The following ZNF543 variants were observed in gnomAD, a reference collection of about 807,000 sequenced individuals.
The protein encoded by ZNF543 is zinc finger protein 543.
ZNF543 carries 10 observed loss-of-function variants against 13.4 expected under a neutral mutation model. The ratio of observed to expected loss-of-function variants is 0.75; its 90% CI spans 0.46 to 1.26. The LOEUF (loss-of-function observed/expected upper bound fraction) is 1.26, where lower values mean the gene tolerates loss of function less well. ZNF543 is among the 50% of genes most tolerant of loss of function. The probability of loss-of-function intolerance (pLI) is 0.00; values close to 1 mark genes in which losing one functional copy is unlikely to be tolerated. For synonymous variants in ZNF543, 272 were observed against 264.7 expected, an observed-to-expected ratio of 1.03 and a Z score of -0.27; for missense variants, 768 against 741.2, an observed-to-expected ratio of 1.04 and a Z score of -0.42.
In ZNF543 at chr19:57,328,583, A is replaced by G. The variant is rs752175429; in HGVS notation, c.1121A>G (p.Lys374Arg). 14 of 1,613,060 alleles carry G rather than the reference A, an allele frequency of 8.7e-6. No homozygotes were observed. In the South Asian group the frequency reaches 1.2e-4, roughly 14 times the overall value. The change falls in exon 4 of 4, where the codon AAA becomes AGA. Residue 374 changes from lysine to arginine, a missense_variant. Around this residue, in one of 3 missense-constraint regions of ZNF543, gnomAD observed 677 missense variants for 631.4 expected, o/e 1.07. Coordinates refer to ENST00000321545, the MANE Select transcript of ZNF543 (RefSeq NM_213598.4). ...CCCTTTGAATGCAACGAGTGTGGAAAAGCTTTTTGCGAGAGTGCAGACCTC... is the reference window on the plus strand; with the variant it reads ...CCCTTTGAATGCAACGAGTGTGGAAGAGCTTTTTGCGAGAGTGCAGACCTC... ...VKPFECNECG[K>R]AFCESADLIQ...
Position 57,329,325 on chromosome 19 carries a change from C to CT in ZNF543, c.*63dup. The CT allele has an allele frequency of 6.6e-7, 1 of 1,522,766 alleles. No homozygotes were observed. The highest frequency in any genetic ancestry group is 1.3e-5 in the South Asian group (1 of 75,488). The allele number at this position is 1,522,766 out of a possible 1,614,324, so 94.3% of individuals were successfully genotyped here. ...AAGAGAAACTTCATAAGCATCCTCT[C>CT]TTTGAGAAAACGTGTAATAGATGAT... On this transcript the variant is annotated 3_prime_UTR_variant, in exon 4 of 4. Transcript: ENST00000321545.
Position 57,328,893 on chromosome 19 carries a change from A to T in ZNF543, c.1431A>T (p.Lys477Asn). The T allele has an allele frequency of 6.2e-7, 1 of 1,606,206 alleles. No homozygotes were observed. The highest frequency in any genetic ancestry group is 8.5e-7 in the Non-Finnish European group (1 of 1,177,182). The change falls in exon 4 of 4, where the codon AAA (lysine) becomes AAT (asparagine). Residue 477 changes from lysine (K) to asparagine (N), a missense_variant. Lys to Asn is a moderately conservative substitution (Grantham distance 94). Around this residue, in one of 3 missense-constraint regions of ZNF543, gnomAD observed 677 missense variants for 631.4 expected, o/e 1.07. Coordinates refer to ENST00000321545, the MANE Select transcript of ZNF543 (RefSeq NM_213598.4). ...IRHFSIHTGE[K>N]PYECVECGKA... Reference sequence around the variant, plus strand: ...ACTTCAGCATCCACACTGGAGAGAAACCCTATGAGTGCGTGGAGTGTGGAA... The same window carrying T: ...ACTTCAGCATCCACACTGGAGAGAATCCCTATGAGTGCGTGGAGTGTGGAA...
chr19:57,329,032 C>T lies in ZNF543; in HGVS notation c.1570C>T (p.Arg524Ter), dbSNP rs1202884386. The T allele has an allele frequency of 8.7e-6, 14 of 1,613,996 alleles. No homozygotes were observed. The highest frequency in any genetic ancestry group is 1.6e-4 in the Middle Eastern group (1 of 6,084). Reference protein sequence around the residue: ...KAFCRSANLIRHSIIHTGEKP... With the variant: ...KAFCRSANLI ...CTTTTGCCGGAGCGCAAACCTTATT[C>T]GACACTCCATCATTCACACTGGAGA... The change falls in exon 4 of 4, where the codon CGA becomes TGA. Residue 524 changes from arginine (R) to a stop codon, truncating the protein, a stop_gained. Coordinates refer to ENST00000321545, the MANE Select transcript of ZNF543 (RefSeq NM_213598.4). LOFTEE classifies it low-confidence loss of function (END_TRUNC).
At chr19:57,323,281 TCC>T (rs1261253471) in intron 1 of ZNF543, among the ~76,000 whole-genome samples, 3 of 150,460 alleles carry the variant, frequency 2.0e-5, no homozygotes, top group Non-Finnish European at 4.4e-5. Context: ...AAGCTCCGCC[TCC>T]CGGGTTCACG....
intron 2 of ZNF543, among the ~76,000 whole-genome samples, chr19:57,324,061 A>G (rs1360581941): frequency 6.6e-6 from 1 of 152,188 alleles, no homozygotes; most frequent in Non-Finnish European, 1.5e-5. Context: ...TCATGAATAA[A>G]AAGGGCCAGG....
intron 1 of ZNF543, 32 bp from the exon 2 acceptor site, chr19:57,323,650 G>A: frequency 6.2e-7 from 1 of 1,607,734 alleles, no homozygotes; most frequent in Non-Finnish European, 8.5e-7. Flanking sequence ...CAGTTCCAAG[G>A]GAAACACTAC....
chr19:57,326,538 T>G (rs2088121827), intron 2 of ZNF543, 95 bp from the exon 3 acceptor site: 25 of 906,938 alleles, frequency 2.8e-5, no homozygotes, highest in Non-Finnish European at 4.2e-5. Flanking sequence ...TAGCTTCACT[T>G]CATGGTCTTC....
intron 1 of ZNF543, 90 bp downstream of exon 1, chr19:57,320,961 T>C (rs2088086720): frequency 1.9e-6 from 3 of 1,562,298 alleles, no homozygotes; most frequent in Non-Finnish European, 2.6e-6. Context: ...ACAGGATGTT[T>C]CTTTGTCGCC....
At chr19:57,326,483 T>C in intron 2 of ZNF543, 150 bp from the exon 3 acceptor site, 1 of 587,728 alleles carries the variant, frequency 1.7e-6, no homozygotes, top group Non-Finnish European at 3.0e-6. Context: ...GTTTTTGTGG[T>C]TGTTTTATGG....
Position 57,327,790 on chromosome 19 carries a change from C to G in ZNF543, c.328C>G (p.Gln110Glu). Residue 110 changes from glutamine to glutamate, a missense_variant, in exon 4 of 4, where the codon CAA becomes GAA. By Grantham distance (29) the Gln-to-Glu change is conservative. This residue lies in a region of ZNF543 where 677 missense variants were observed against 631.4 expected (regional missense o/e 1.07). Coordinates refer to ENST00000321545, the MANE Select transcript of ZNF543 (RefSeq NM_213598.4). ...EEVLLQEQLT[Q>E]GASKNSQLGQ... is the part of the protein sequence containing the mutation. ...AGTCTTACTCCAGGAACAACTGACA[C>G]AAGGAGCCTCAAAGAACTCCCAATT... 6.2e-7 allele frequency: 1 copy of G among 1,614,090 alleles called. No homozygotes were observed. The highest frequency in any genetic ancestry group is 8.5e-7 in the Non-Finnish European group (1 of 1,180,016).
intron 1 of ZNF543, among the ~76,000 whole-genome samples, chr19:57,323,309 A>C (rs924358027): frequency 6.6e-6 from 1 of 151,068 alleles, no homozygotes; most frequent in Admixed American, 6.6e-5. Flanking sequence ...CTCCTGCCTC[A>C]GCCTCCCGAG....
chr19:57,324,179 G>A (rs2088107331), intron 2 of ZNF543, among the ~76,000 whole-genome samples: 1 of 151,976 alleles, frequency 6.6e-6, no homozygotes, highest in Admixed American at 6.6e-5. Flanking sequence ...GTGAAATCCC[G>A]TCTCTACTAA....
chr19:57,323,874 C>T, intron 2 of ZNF543, 66 bp downstream of exon 2: 2 of 1,568,100 alleles, frequency 1.3e-6, no homozygotes, highest in African/African-American at 1.4e-5. Flanking sequence ...CCCCTCTCTC[C>T]TCCACAGCCC....
intron 1 of ZNF543, among the ~76,000 whole-genome samples, chr19:57,321,982 A>G (rs2088092741): frequency 6.6e-6 from 1 of 152,158 alleles, no homozygotes; most frequent in African/African-American, 2.4e-5. Context: ...TTTCTCCTAT[A>G]CCAGCTGACA....
At chr19:57,321,357 A>G (rs2088089016) in intron 1 of ZNF543, among the ~76,000 whole-genome samples, 1 of 152,082 alleles carries the variant, frequency 6.6e-6, no homozygotes, top group Non-Finnish European at 1.5e-5. Flanking sequence ...ACCTATTTGG[A>G]GGTGGCTTTC....
At position 57,329,011 on chromosome 19, in the gene ZNF543, TGC is replaced by T. The variant is rs754139395; in HGVS notation, c.1550_1551del (p.Cys517SerfsTer19). On this transcript the variant is annotated frameshift_variant, in exon 4 of 4. Transcript: ENST00000321545. LOFTEE classifies it low-confidence loss of function (END_TRUNC). ...ATGCATCCAGTGTGGGAAAGCCTTT[TGC>T]CGGAGCGCAAACCTTATTCGACACT... is the stretch of plus-strand genomic sequence containing the variant. ...YECIQCGKAF[C>X]RSANLIRHSI... 1.2e-6 allele frequency: 2 copies of T among 1,613,908 alleles called. No homozygotes were observed. The highest frequency in any genetic ancestry group is 2.2e-5 in the South Asian group (2 of 91,074).
At position 57,328,571 on chromosome 19, in the gene ZNF543, A is replaced by G; in HGVS notation, c.1109A>G (p.Asn370Ser). The G allele has an allele frequency of 6.2e-7, 1 of 1,610,844 alleles. No homozygotes were observed. The highest frequency in any genetic ancestry group is 1.1e-5 in the South Asian group (1 of 90,918). Residue 370 changes from asparagine to serine, a missense_variant, in exon 4 of 4, where the codon AAC (asparagine) becomes AGC (serine). Physicochemically the swap from Asn to Ser is conservative, Grantham distance 46 (BLOSUM62 1). Around this residue, in one of 3 missense-constraint regions of ZNF543, gnomAD observed 677 missense variants for 631.4 expected, o/e 1.07. Transcript: ENST00000321545. The stretch of plus-strand genomic sequence containing the variant: ...ACTGGAGTGAAACCCTTTGAATGCA[A>G]CGAGTGTGGAAAAGCTTTTTGCGAG... ...IHTGVKPFECNECGKAFCESA... is the reference protein window; with the variant it reads ...IHTGVKPFECSECGKAFCESA...
At position 57,330,310 on chromosome 19, in the gene ZNF543, A is replaced by G. The variant is rs994455793; in HGVS notation, c.*1045A>G. The G allele has an allele frequency of 6.7e-6, 1 of 150,154 alleles. No individual in the cohort carries two copies. The highest frequency in any genetic ancestry group is 2.5e-5 in the African/African-American group (1 of 40,558). 9.3% of individuals were successfully genotyped at this position (150,154 alleles called of 1,614,324 possible). On this transcript the variant is annotated 3_prime_UTR_variant, in exon 4 of 4. Coordinates refer to ENST00000321545, the MANE Select transcript of ZNF543 (RefSeq NM_213598.4). ...TTTCCTGGGATAGGGATGATAGTGT[A>G]ATTGTTCATGCCCACAGTAATCCTG...
intron 3 of ZNF543, among the ~76,000 whole-genome samples, chr19:57,327,205 T>G (rs946317041): frequency 5.9e-5 from 9 of 151,868 alleles, no homozygotes; most frequent in Non-Finnish European, 1.3e-4. Context: ...TGTATATATT[T>G]CACTAACGCA....
Sources: allele counts gnomAD v4.1 joint callset (sites outside exome capture counted in the v4.1 genomes callset), GRCh38; gene constraint gnomAD v4.1.1; regional missense constraint gnomAD v4.1.1; transcripts MANE v1.5; gene names NCBI Gene and HGNC (gene_info 2026-07-23, HGNC 2026-07-21).